USPL1: variants seen among roughly 807,000 people sequenced by gnomAD.
The protein encoded by USPL1 is SUMO-specific isopeptidase USPL1.
In USPL1, 27 loss-of-function variants were observed where a neutral mutation model predicts 51.5. The observed-to-expected ratio is 0.52, with a 90% CI of 0.39 to 0.72. USPL1 has a LOEUF of 0.72. Ranked by LOEUF, USPL1 falls within the 30% of genes least tolerant of loss-of-function variation. USPL1 has a pLI of 0.00. For synonymous variants in USPL1, 451 were observed against 459.6 expected (o/e 0.98, Z 0.24); for missense variants, 1,226 against 1,268.0 (o/e 0.97, Z 0.50).
chr13:30,652,171 T>G (rs1321210989), intron 7 of USPL1, among the ~76,000 whole-genome samples: 1 of 152,240 alleles, frequency 6.6e-6, no homozygotes, highest in Non-Finnish European at 1.5e-5. Flanking sequence ...AAATCTTAGA[T>G]TTGATGAAAT....
Position 30,621,152 on chromosome 13 carries a change from T to G in USPL1, c.12T>G (p.Ser4=). 3 of 1,606,122 alleles carry G rather than the reference T, an allele frequency of 1.9e-6. No individual in the cohort carries two copies. Among genetic ancestry groups the G allele is most frequent in the Non-Finnish European group, 2.5e-6 (3 of 1,177,392 alleles). MMD[S]PKIGNGLPVI... ...GCCAATGACTCGGAATGATGGATTC[T>G]CCGAAGATTGGAAATGGTTTGCCAG... is the stretch of plus-strand genomic sequence containing the variant. Residue 4 remains serine (S), a synonymous_variant, in exon 2 of 9, where the codon TCT becomes TCG. Transcript: ENST00000255304.
intron 4 of USPL1, 76 bp from the exon 5 acceptor site, chr13:30,637,668 T>G (rs568112638): frequency 2.5e-6 from 3 of 1,203,646 alleles, no homozygotes; most frequent in Non-Finnish European, 3.5e-6. Flanking sequence ...CAGCTTTCAT[T>G]CTTGGGAATG....
intron 6 of USPL1, among the ~76,000 whole-genome samples, chr13:30,645,500 CTTTTT>C (rs766514237): frequency 6.6e-6 from 1 of 152,222 alleles, no homozygotes; most frequent in South Asian, 2.1e-4. Flanking sequence ...CTTTTGTTTG[CTTTTT>C]TGTTTTTTAA....
At chr13:30,647,825 G>A (rs1951038120) in intron 7 of USPL1, among the ~76,000 whole-genome samples, 1 of 152,080 alleles carries the variant, frequency 6.6e-6, no homozygotes, top group Non-Finnish European at 1.5e-5. Flanking sequence ...CTTTCCTAAA[G>A]GTTTATTCTC....
chr13:30,644,409 G>T (rs929105240), intron 6 of USPL1, among the ~76,000 whole-genome samples: 1 of 102,952 alleles, frequency 9.7e-6, no homozygotes, highest in South Asian at 2.8e-4. Flanking sequence ...GGCAACAAAG[G>T]TTTTGTTTTT....
chr13:30,627,047 C>T (rs1950726028), intron 3 of USPL1, among the ~76,000 whole-genome samples: 1 of 151,798 alleles, frequency 6.6e-6, no homozygotes, highest in African/African-American at 2.4e-5. Context: ...TCCTATTTCA[C>T]AAGAATAAGT....
chr13:30,623,419 G>A (rs1312711130), intron 3 of USPL1, among the ~76,000 whole-genome samples: 1 of 152,152 alleles, frequency 6.6e-6, no homozygotes, highest in Non-Finnish European at 1.5e-5. Flanking sequence ...AGTGACATAA[G>A]TTGACTTCAG....
chr13:30,627,497 C>G (rs781601708), intron 3 of USPL1, among the ~76,000 whole-genome samples: 2 of 149,528 alleles, frequency 1.3e-5, no homozygotes, highest in African/African-American at 2.5e-5. Context: ...GTCCCGGGGC[C>G]TCTTATGGTT....
chr13:30,647,121 G>T, intron 7 of USPL1, 64 bp downstream of exon 7: 1 of 1,502,932 alleles, frequency 6.7e-7, no homozygotes, highest in Non-Finnish European at 9.1e-7. Flanking sequence ...TTTTCTTAAT[G>T]TGTAGGATTG....
At chr13:30,649,910 C>G (rs1422761194) in intron 7 of USPL1, among the ~76,000 whole-genome samples, 1 of 152,204 alleles carries the variant, frequency 6.6e-6, no homozygotes, top group East Asian at 1.9e-4. Flanking sequence ...TAATTCCTTT[C>G]ATCCAATTTT....
At chr13:30,652,267 C>T (rs1054105673) in intron 7 of USPL1, among the ~76,000 whole-genome samples, 1 of 152,116 alleles carries the variant, frequency 6.6e-6, no homozygotes, top group African/African-American at 2.4e-5. Flanking sequence ...ATTTTGAGGA[C>T]TTAATTATTC....
chr13:30,624,385 C>T (rs944507630), intron 3 of USPL1, among the ~76,000 whole-genome samples: 12 of 152,216 alleles, frequency 7.9e-5, no homozygotes, highest in Non-Finnish European at 2.9e-5. Context: ...GAGGCTGAGG[C>T]AGGAGGATTG....
intron 3 of USPL1, among the ~76,000 whole-genome samples, chr13:30,629,626 A>C (rs7318713): frequency 0.5 from 75,917 of 152,064 alleles, 21,544 homozygotes; most frequent in African/African-American, 0.78. Context: ...TGCTAGCTGG[A>C]AGTTGAGTTC....
At chr13:30,618,322 C>T (rs539426077) in intron 1 of USPL1, among the ~76,000 whole-genome samples, 26 of 152,266 alleles carry the variant, frequency 1.7e-4, no homozygotes, top group Admixed American at 1.6e-3. Flanking sequence ...CCTGCGCCTC[C>T]TTCGGCTTCT....
intron 1 of USPL1, among the ~76,000 whole-genome samples, chr13:30,619,107 G>A (rs1467768538): frequency 1.3e-5 from 2 of 152,180 alleles, no homozygotes; most frequent in Admixed American, 1.3e-4. Flanking sequence ...ACATTTAAGT[G>A]AGATATGGGA....
chr13:30,634,600 A>G (rs1356980979), intron 4 of USPL1, among the ~76,000 whole-genome samples: 1 of 152,112 alleles, frequency 6.6e-6, no homozygotes, highest in Non-Finnish European at 1.5e-5. Context: ...ATAACAGAAT[A>G]TTCATCTACC....
intron 8 of USPL1, among the ~76,000 whole-genome samples, chr13:30,656,481 C>G (rs1951166206): frequency 6.6e-6 from 1 of 152,168 alleles, no homozygotes; most frequent in Non-Finnish European, 1.5e-5. Flanking sequence ...TTGTGTCTGG[C>G]TTATTTTACT....
rs771430181 is a variant in USPL1 at position 30,621,212 on chromosome 13, A to C, written c.72A>C (p.Ser24=). ...IGPGTDIGIS[S]LHMVGYLGKN... ...CAGGGACTGATATAGGGATATCTTC[A>C]CTCCACATGGTGGGGTATTTGGGAA... Residue 24 remains serine (S), a synonymous_variant, in exon 2 of 9, where the codon TCA becomes TCC. Coordinates refer to ENST00000255304, the MANE Select transcript of USPL1 (RefSeq NM_005800.5). The C allele has an allele frequency of 6.3e-7, 1 of 1,599,550 alleles. No homozygotes were observed. Among genetic ancestry groups the C allele is most frequent in the Non-Finnish European group, 8.5e-7 (1 of 1,174,976 alleles).
At position 30,653,158 on chromosome 13, in the gene USPL1, A is replaced by G; in HGVS notation, c.1249A>G (p.Ile417Val). Residue 417 changes from isoleucine to valine, a missense_variant, in exon 8 of 9, where the codon ATA becomes GTA. Coordinates refer to ENST00000255304, the MANE Select transcript of USPL1 (RefSeq NM_005800.5). ...TTTTCTCTCCCACAGAGTATCTCCCATATTCATGTTGCACTTTGTAGAAGG... is the reference window on the plus strand; with the variant it reads ...TTTTCTCTCCCACAGAGTATCTCCCGTATTCATGTTGCACTTTGTAGAAGG... ...RKMVLEKVSP[I>V]FMLHFVEGLP... The G allele has an allele frequency of 6.3e-7, 1 of 1,596,702 alleles. No homozygotes were observed.
Sources: gnomAD v4.1 joint callset for allele counts (sites outside exome capture counted in the v4.1 genomes callset) on GRCh38, gnomAD v4.1.1 for gene constraint, MANE v1.5 for transcripts, NCBI Gene and HGNC (gene_info 2026-07-23, HGNC 2026-07-21) for gene names.